COBL: variants seen among roughly 807,000 people sequenced by gnomAD.
COBL encodes the protein cordon-bleu WH2 repeat protein.
COBL carries 51 observed loss-of-function variants against 98.8 expected under a neutral mutation model. The observed-to-expected ratio is 0.52, with a 90% CI of 0.41 to 0.65. The LOEUF is 0.65. COBL is among the 30% of genes least tolerant of loss of function. The pLI is 0.00. For synonymous variants in COBL, 634 were observed against 651.7 expected (o/e 0.97, Z 0.41); for missense variants, 1,617 against 1,617.5 (o/e 1.00, Z 0.01).
At chr7:51,260,414 G>T (rs1325810500) in intron 1 of COBL, among the ~76,000 whole-genome samples, 2 of 152,152 alleles carry the variant, frequency 1.3e-5, no homozygotes, top group African/African-American at 4.8e-5. Context: ...TCTTCCATGG[G>T]TCAGTATCTG....
At chr7:51,266,723 A>C (rs1798244255) in intron 1 of COBL, among the ~76,000 whole-genome samples, 1 of 152,204 alleles carries the variant, frequency 6.6e-6, no homozygotes, top group African/African-American at 2.4e-5. Context: ...AATGGACGGA[A>C]GGAAAGGACT....
At chr7:51,269,320 G>C (rs1404483818) in intron 1 of COBL, among the ~76,000 whole-genome samples, 1 of 152,148 alleles carries the variant, frequency 6.6e-6, no homozygotes, top group Non-Finnish European at 1.5e-5. Context: ...ATCCACACAG[G>C]GGACAGAAAA....
chr7:51,088,341 T>C (rs1407989661), intron 6 of COBL, among the ~76,000 whole-genome samples: 1 of 105,140 alleles, frequency 9.5e-6, no homozygotes, highest in African/African-American at 3.9e-5. Flanking sequence ...TTTTCTGATT[T>C]CCCCCCCTCT....
chr7:51,312,304 C>A (rs2129220945), intron 1 of COBL, among the ~76,000 whole-genome samples: 1 of 152,168 alleles, frequency 6.6e-6, no homozygotes, highest in Non-Finnish European at 1.5e-5. Context: ...GCACTCCAGC[C>A]TGGGTGACAT....
chr7:51,173,651 C>T (rs1788092364), intron 5 of COBL, among the ~76,000 whole-genome samples: 1 of 152,188 alleles, frequency 6.6e-6, no homozygotes, highest in African/African-American at 2.4e-5. Flanking sequence ...AGACCCCAAC[C>T]TGGCCTCTCA....
intron 7 of COBL, among the ~76,000 whole-genome samples, chr7:51,084,661 A>G (rs1053995803): frequency 2.6e-5 from 4 of 152,092 alleles, no homozygotes; most frequent in African/African-American, 9.7e-5. Context: ...TCTTTCCCTC[A>G]AAGAAAATCA....
intron 1 of COBL, among the ~76,000 whole-genome samples, chr7:51,238,368 CCCCTGCCCTT>C (rs1402344819): frequency 6.6e-6 from 1 of 152,152 alleles, no homozygotes. Context: ...GAGAAGGAGA[CCCCTGCCCTT>C]CCCTGGGCTT....
At chr7:51,083,197 G>T (rs1051915666) in intron 7 of COBL, 39 of 1,465,794 alleles carry the variant, frequency 2.7e-5, no homozygotes, top group Non-Finnish European at 3.4e-5. Context: ...CAGTGCCTCT[G>T]GGAGGCTTTT....
chr7:51,193,810 ATAAT>A (rs1435393365), intron 2 of COBL, among the ~76,000 whole-genome samples: 1 of 152,248 alleles, frequency 6.6e-6, no homozygotes, highest in African/African-American at 2.4e-5. Flanking sequence ...GAGAAAAATC[ATAAT>A]TAATAGCTTG....
chr7:51,054,011 T>C (rs573489064), intron 7 of COBL, among the ~76,000 whole-genome samples: 18 of 152,312 alleles, frequency 1.2e-4, no homozygotes, highest in African/African-American at 4.1e-4. Context: ...TGAAACCCTG[T>C]CTTTACAAAA....
At chr7:51,039,807 G>A (rs904857511) in intron 8 of COBL, among the ~76,000 whole-genome samples, 1 of 152,192 alleles carries the variant, frequency 6.6e-6, no homozygotes, top group Non-Finnish European at 1.5e-5. Flanking sequence ...GTTTCACCCT[G>A]AGTGCCTGAA....
chr7:51,302,698 G>T (rs1802093195), intron 1 of COBL, among the ~76,000 whole-genome samples: 1 of 151,914 alleles, frequency 6.6e-6, no homozygotes, highest in Non-Finnish European at 1.5e-5. Flanking sequence ...AGGAGTTCAA[G>T]ACTGGCCTGG....
At chr7:51,250,302 C>T (rs1047901524) in intron 1 of COBL, among the ~76,000 whole-genome samples, 2 of 152,112 alleles carry the variant, frequency 1.3e-5, no homozygotes, top group Non-Finnish European at 2.9e-5. Flanking sequence ...ATTCCCAAAG[C>T]ATAGAAGTCT....
In COBL at chr7:51,259,666, T is replaced by G; in HGVS notation, c.42-39722A>C. On this transcript the variant is annotated intron_variant, in intron 1 of 12. Transcript: ENST00000265136. ...TGGTGCTCCTCATCACTGTGTTGTCTGTCTGAGGGATGGTCTTATTCTTGA... is the reference window on the plus strand; with the variant it reads ...TGGTGCTCCTCATCACTGTGTTGTCGGTCTGAGGGATGGTCTTATTCTTGA... 3 of 735,828 alleles carry G rather than the reference T, an allele frequency of 4.1e-6. No individual in the cohort carries two copies. In the Middle Eastern group the frequency reaches 1.2e-3, roughly 284 times the overall value. The allele number at this position is 735,828 out of a possible 1,614,324, so 45.6% of individuals were successfully genotyped here.
intron 7 of COBL, among the ~76,000 whole-genome samples, chr7:51,058,899 G>A (rs1297867411): frequency 4.6e-5 from 7 of 152,184 alleles, no homozygotes; most frequent in Non-Finnish European, 8.8e-5. Context: ...ATCCCAGGCC[G>A]GGGCTACTGT....
At chr7:51,243,200 A>G (rs1795958906) in intron 1 of COBL, among the ~76,000 whole-genome samples, 1 of 152,224 alleles carries the variant, frequency 6.6e-6, no homozygotes, top group Non-Finnish European at 1.5e-5. Flanking sequence ...TCTGGACGCT[A>G]TTCCATGAAG....
chr7:51,027,543 T>C (rs965502284), intron 10 of COBL, among the ~76,000 whole-genome samples, 169 bp downstream of exon 10: 2 of 152,216 alleles, frequency 1.3e-5, no homozygotes, highest in African/African-American at 4.8e-5. Flanking sequence ...AGTACAAATA[T>C]CTGGAGGCAG....
At chr7:51,126,878 AC>A (rs1798261806) in intron 6 of COBL, among the ~76,000 whole-genome samples, 1 of 151,276 alleles carries the variant, frequency 6.6e-6, no homozygotes, top group Non-Finnish European at 1.5e-5. Context: ...GTCACCAGAG[AC>A]CTCCCTCCAG....
chr7:51,110,179 G>C (rs1796697720), intron 6 of COBL, among the ~76,000 whole-genome samples: 1 of 151,976 alleles, frequency 6.6e-6, no homozygotes, highest in Non-Finnish European at 1.5e-5. Context: ...ATAGTCATCC[G>C]ACTATGCTAC....
Sources: allele counts gnomAD v4.1 joint callset (sites outside exome capture counted in the v4.1 genomes callset), GRCh38; gene constraint gnomAD v4.1.1; transcripts MANE v1.5; gene names NCBI Gene and HGNC (gene_info 2026-07-23, HGNC 2026-07-21).